CCDC148: variants seen among roughly 807,000 people sequenced by gnomAD.
The protein encoded by CCDC148 is coiled-coil domain-containing protein 148.
A neutral mutation model predicts 85.7 loss-of-function variants in CCDC148; 89 were observed. That is an observed-to-expected ratio of 1.04 (90% confidence interval 0.87 to 1.24). The LOEUF (loss-of-function observed/expected upper bound fraction) is 1.24, where lower values mean the gene tolerates loss of function less well. Ranked by LOEUF, CCDC148 falls within the 50% of genes most tolerant of loss-of-function variation. The probability of loss-of-function intolerance (pLI) is 0.00; values close to 1 mark genes in which losing one functional copy is unlikely to be tolerated. For synonymous variants in CCDC148, 230 were observed against 213.9 expected (o/e 1.08, Z -0.66); for missense variants, 692 against 671.7 (o/e 1.03, Z -0.33).
At chr2:158,406,194 G>T (rs1445835723) in intron 1 of CCDC148, among the ~76,000 whole-genome samples, 1 of 152,124 alleles carries the variant, frequency 6.6e-6, no homozygotes, top group Non-Finnish European at 1.5e-5. Flanking sequence ...TAATATTGTA[G>T]GGGCTCTGGC....
chr2:158,198,451 TTTGAAG>T (rs1685787695), intron 11 of CCDC148, among the ~76,000 whole-genome samples: 1 of 152,204 alleles, frequency 6.6e-6, no homozygotes, highest in African/African-American at 2.4e-5. Context: ...ACTCTGCACC[TTTGAAG>T]TTGAAGTTGA....
chr2:158,313,619 T>A (rs1473646903), intron 8 of CCDC148, 137 bp downstream of exon 8: 8 of 950,724 alleles, frequency 8.4e-6, no homozygotes, highest in Non-Finnish European at 1.5e-6. Flanking sequence ...CAAACTATTA[T>A]ATAACCCTAT....
intron 1 of CCDC148, among the ~76,000 whole-genome samples, chr2:158,360,565 G>C (rs1226690164): frequency 1.3e-5 from 2 of 152,152 alleles, no homozygotes; most frequent in African/African-American, 4.8e-5. Context: ...AACTCTAGCA[G>C]ACCTGCAGCA....
At chr2:158,406,678 A>G (rs1477263219) in intron 1 of CCDC148, among the ~76,000 whole-genome samples, 1 of 121,182 alleles carries the variant, frequency 8.3e-6, no homozygotes, top group African/African-American at 3.3e-5. Context: ...GCTGGAGTAC[A>G]GTGGCATGAT....
intron 7 of CCDC148, among the ~76,000 whole-genome samples, chr2:158,321,384 C>T (rs761765542): frequency 4.6e-5 from 7 of 152,244 alleles, no homozygotes; most frequent in Admixed American, 2.0e-4. Context: ...AACGAGACTA[C>T]GTGAACACTG....
intron 3 of CCDC148, among the ~76,000 whole-genome samples, chr2:158,343,662 C>A (rs1296863329): frequency 6.6e-6 from 1 of 152,182 alleles, no homozygotes; most frequent in African/African-American, 2.4e-5. Flanking sequence ...ATGTCGATTT[C>A]TAAAGGTTGA....
chr2:158,274,674 T>A (rs574087919), intron 9 of CCDC148, among the ~76,000 whole-genome samples: 1 of 152,116 alleles, frequency 6.6e-6, no homozygotes, highest in African/African-American at 2.4e-5. Context: ...AAAGGGAGCA[T>A]TGGGTCTAAG....
chr2:158,187,699 A>G (rs1425963497), intron 11 of CCDC148, among the ~76,000 whole-genome samples: 1 of 151,870 alleles, frequency 6.6e-6, no homozygotes, highest in East Asian at 1.9e-4. Context: ...CTTTCTCTTC[A>G]TTCCTTTTAC....
chr2:158,362,603 A>T (rs757406907), intron 1 of CCDC148, among the ~76,000 whole-genome samples: 24 of 152,190 alleles, frequency 1.6e-4, no homozygotes, highest in Non-Finnish European at 3.4e-4. Flanking sequence ...AGAAATAAAG[A>T]TGTTCTTTGA....
chr2:158,428,018 A>C (rs955223573), intron 1 of CCDC148, among the ~76,000 whole-genome samples: 1 of 152,172 alleles, frequency 6.6e-6, no homozygotes, highest in Non-Finnish European at 1.5e-5. Flanking sequence ...ATTTAGGATT[A>C]GAGTCTTTAT....
intron 1 of CCDC148, among the ~76,000 whole-genome samples, chr2:158,415,792 G>A (rs2105318528): frequency 1.3e-5 from 2 of 152,282 alleles, no homozygotes; most frequent in East Asian, 3.9e-4. Flanking sequence ...AACCTCCTTT[G>A]ACTCCACGTC....
chr2:158,217,372 G>GTATATATATATATATATATATA (rs1279069325), intron 11 of CCDC148, among the ~76,000 whole-genome samples: 9 of 72,324 alleles, frequency 1.2e-4, no homozygotes, highest in African/African-American at 3.5e-4. Context: ...TTGTGTGTGT[G>GTATATATATATATATATATATA]TGTATATATA....
intron 3 of CCDC148, among the ~76,000 whole-genome samples, chr2:158,342,053 G>T (rs1305352792): frequency 8.9e-6 from 1 of 112,566 alleles, no homozygotes; most frequent in Non-Finnish European, 1.7e-5. Context: ...TTTTTGAGAA[G>T]GAGTCTTGCT....
At chr2:158,195,545 T>C (rs899536850) in intron 11 of CCDC148, among the ~76,000 whole-genome samples, 6 of 152,208 alleles carry the variant, frequency 3.9e-5, no homozygotes, top group Non-Finnish European at 2.9e-5. Flanking sequence ...TTAAGGCTCC[T>C]GTCAAAAATA....
chr2:158,306,011 C>T (rs1484744182), intron 9 of CCDC148, among the ~76,000 whole-genome samples: 4 of 152,138 alleles, frequency 2.6e-5, no homozygotes, highest in Non-Finnish European at 5.9e-5. Flanking sequence ...GACTCAAAGG[C>T]TACACACTGT....
chr2:158,279,299 G>C (rs573343373), intron 9 of CCDC148, among the ~76,000 whole-genome samples: 34 of 152,310 alleles, frequency 2.2e-4, no homozygotes, highest in African/African-American at 8.2e-4. Context: ...GACAAGTTGA[G>C]AGAAGAAGGC....
At chr2:158,426,697 T>A (rs1352612957) in intron 1 of CCDC148, among the ~76,000 whole-genome samples, 2 of 152,196 alleles carry the variant, frequency 1.3e-5, no homozygotes, top group African/African-American at 4.8e-5. Flanking sequence ...GTTAATCTTG[T>A]GCAACCAATT....
intron 1 of CCDC148, among the ~76,000 whole-genome samples, chr2:158,399,803 G>T (rs936290214): frequency 2.0e-5 from 3 of 152,034 alleles, no homozygotes; most frequent in Non-Finnish European, 4.4e-5. Context: ...TGAAATAAAG[G>T]GTATTCGATT....
intron 9 of CCDC148, among the ~76,000 whole-genome samples, chr2:158,289,771 A>G (rs1690801523): frequency 6.6e-6 from 1 of 152,236 alleles, no homozygotes; most frequent in Non-Finnish European, 1.5e-5. Context: ...CATTTATTGC[A>G]ACATTGTTTC....
Sources: allele counts gnomAD v4.1 joint callset (sites outside exome capture counted in the v4.1 genomes callset), GRCh38; gene constraint gnomAD v4.1.1; transcripts MANE v1.5; gene names NCBI Gene and HGNC (gene_info 2026-07-23, HGNC 2026-07-21).